Variants in CSMD2 observed in about 807,000 individuals in gnomAD.
CSMD2 encodes the protein CUB and Sushi multiple domains 2, also known as CUB and sushi domain-containing protein 2.
A neutral mutation model predicts 398.5 loss-of-function variants in CSMD2; 130 were observed. The observed-to-expected ratio is 0.33, with a 90% CI of 0.28 to 0.38. The LOEUF (loss-of-function observed/expected upper bound fraction) is 0.38, where lower values mean the gene tolerates loss of function less well. CSMD2 is among the 10% of genes least tolerant of loss of function. The pLI is 1.00. For missense variants in CSMD2, 3,829 were observed against 4,764.9 expected (o/e 0.80, Z 5.78); for synonymous variants, 1,828 against 1,908.5 (o/e 0.96, Z 1.10).
At chr1:33,878,003 G>A (rs1160251797) in intron 5 of CSMD2, among the ~76,000 whole-genome samples, 1 of 152,106 alleles carries the variant, frequency 6.6e-6, no homozygotes, top group Non-Finnish European at 1.5e-5. Context: ...AAGAGATGTG[G>A]AAACTGGGAG....
chr1:33,895,914 A>G (rs1056471790), intron 5 of CSMD2, among the ~76,000 whole-genome samples: 11 of 152,134 alleles, frequency 7.2e-5, no homozygotes, highest in African/African-American at 2.7e-4. Flanking sequence ...TCTCAACTGT[A>G]GCACCTGCTG....
intron 6 of CSMD2, 115 bp downstream of exon 6, chr1:33,846,769 A>G: frequency 1.8e-6 from 1 of 540,770 alleles, no homozygotes; most frequent in South Asian, 3.2e-5. Context: ...GAAACGTACA[A>G]AGAAGGCAAG....
chr1:34,098,500 T>C (rs891887820), intron 1 of CSMD2, among the ~76,000 whole-genome samples: 2 of 151,568 alleles, frequency 1.3e-5, no homozygotes, highest in Non-Finnish European at 2.9e-5. Context: ...GAGAAGATAG[T>C]AAATTTAGCA....
At chr1:33,960,910 G>T (rs1186803275) in intron 3 of CSMD2, among the ~76,000 whole-genome samples, 2 of 152,216 alleles carry the variant, frequency 1.3e-5, no homozygotes, top group Admixed American at 6.5e-5. Context: ...TCCATGGCAG[G>T]TGGGGTCTGA....
intron 26 of CSMD2, among the ~76,000 whole-genome samples, chr1:33,659,703 G>A (rs753571370): frequency 1.3e-5 from 2 of 152,138 alleles, no homozygotes; most frequent in South Asian, 2.1e-4. Flanking sequence ...TTTGAGAAGC[G>A]GCAGCCTAGG....
Position 33,992,716 on chromosome 1 carries a change from T to TA in CSMD2, c.517+39877dup, listed in dbSNP as rs200509501. 3.1e-4 allele frequency among the ~76,000 whole-genome samples: 44 copies of TA among 143,122 alleles called. 1 individual carries two copies. Among genetic ancestry groups the TA allele is most frequent in the African/African-American group, 7.4e-4 (29 of 39,228 alleles). The allele number at this position is 143,122 out of a possible 152,430, so 93.9% of individuals were successfully genotyped here. On this transcript the variant is annotated intron_variant, in intron 3 of 70. Coordinates refer to ENST00000373381, the MANE Select transcript of CSMD2 (RefSeq NM_001281956.2). ...ACCCTGTCTCTACTAAAAATAAAAATAAAAAAAAAAATTAGCCGGGCGTGG... is the reference window on the plus strand; with the variant it reads ...ACCCTGTCTCTACTAAAAATAAAAATAAAAAAAAAAAATTAGCCGGGCGTGG...
At chr1:33,976,759 C>T (rs780500644) in intron 3 of CSMD2, among the ~76,000 whole-genome samples, 6 of 152,078 alleles carry the variant, frequency 3.9e-5, no homozygotes, top group Non-Finnish European at 8.8e-5. Flanking sequence ...CTGCTCTGAC[C>T]CTCATTTATA....
Position 33,819,628 on chromosome 1 carries a change from G to T in CSMD2, c.1324+85C>A, listed in dbSNP as rs575510482. Reference sequence around the variant, plus strand: ...GGGGAGCCAGTCTGCTTGAGAGCCTGGGCCTCAGGTGCTGGGAGCTGGGCT... The same window carrying T: ...GGGGAGCCAGTCTGCTTGAGAGCCTTGGCCTCAGGTGCTGGGAGCTGGGCT... On this transcript the variant is annotated intron_variant, in intron 9 of 70. Coordinates refer to ENST00000373381, the MANE Select transcript of CSMD2 (RefSeq NM_001281956.2). The T allele has an allele frequency of 3.3e-5, 43 of 1,287,962 alleles. No individual in the cohort carries two copies. The African/African-American group carries it at 5.7e-4, about 17-fold the overall frequency. The allele number at this position is 1,287,962 out of a possible 1,614,324, so 79.8% of individuals were successfully genotyped here.
intron 1 of CSMD2, among the ~76,000 whole-genome samples, chr1:34,154,622 T>C (rs1201357112): frequency 6.6e-6 from 1 of 151,900 alleles, no homozygotes; most frequent in African/African-American, 2.4e-5. Flanking sequence ...TGGAGTTGAG[T>C]AAATAAAGTA....
intron 60 of CSMD2, among the ~76,000 whole-genome samples, chr1:33,539,246 A>T (rs1178535658): frequency 1.3e-5 from 2 of 152,192 alleles, no homozygotes; most frequent in African/African-American, 2.4e-5. Flanking sequence ...GATTATGGGC[A>T]TGAGTCACCT....
rs145279639 is a variant in CSMD2, at chr1:33,726,654, G to T, written c.2400C>A (p.Ser800Arg). The T allele has an allele frequency of 6.2e-7, 1 of 1,612,434 alleles. No homozygotes were observed. The highest frequency in any genetic ancestry group is 8.5e-7 in the Non-Finnish European group (1 of 1,179,856). The change falls in exon 16 of 71, where the codon AGC (serine) becomes AGA (arginine). Residue 800 changes from serine to arginine, a missense_variant. By Grantham distance (110) the Ser-to-Arg change is moderately radical. Around this residue, in one of 5 missense-constraint regions of CSMD2, gnomAD observed 2,001 missense variants for 2,567.1 expected, o/e 0.78. Transcript: ENST00000373381. ...APCGGHLTSP[S>R]GTILSPGWPG... ...GCCAGCCCGGAGAGAGGATGGTGCC[G>T]CTGGGCGAAGTCAGGTGACCACCAC...
chr1:33,749,390 C>T (rs191531269), intron 13 of CSMD2, among the ~76,000 whole-genome samples: 16 of 152,044 alleles, frequency 1.1e-4, no homozygotes, highest in African/African-American at 3.4e-4. Flanking sequence ...TGAGCCACTG[C>T]GCCCAGCCAA....
Position 33,537,168 on chromosome 1 carries a change from T to C in CSMD2, c.9806-73A>G, listed in dbSNP as rs903449286. 147 of 1,537,090 alleles carry C rather than the reference T, an allele frequency of 9.6e-5. No homozygotes were observed. The highest frequency in any genetic ancestry group is 1.2e-4 in the Non-Finnish European group (132 of 1,110,958). On this transcript the variant is annotated intron_variant, in intron 61 of 70. Coordinates refer to ENST00000373381, the MANE Select transcript of CSMD2 (RefSeq NM_001281956.2). This position sits in a 1 kb window ranked among gnomAD's most constrained non-coding sequence, Gnocchi z 4.6. Reference sequence around the variant, plus strand: ...CACGGCCTCATCTCACTCTGGGAAATAGGTGTAGAAAAGAAAATGCGGCCA... The same window carrying C: ...CACGGCCTCATCTCACTCTGGGAAACAGGTGTAGAAAAGAAAATGCGGCCA...
Position 33,622,334 on chromosome 1 carries a change from C to T in CSMD2, c.5723-63G>A, listed in dbSNP as rs537912843. 425 of 1,214,888 alleles carry T rather than the reference C, an allele frequency of 3.5e-4. No homozygotes were observed. In the Middle Eastern group the frequency reaches 5.9e-3, roughly 17 times the overall value. The allele number at this position is 1,214,888 out of a possible 1,614,324, so 75.3% of individuals were successfully genotyped here. A position where few individuals can be genotyped will look rare whatever the true frequency, so the allele number is the denominator to read the frequency against. ...GCTCCTCCAGGCCCTTGCATTCCTC[C>T]CCATTCCTCTGGATTTTGCTACCTG... On this transcript the variant is annotated intron_variant, in intron 36 of 70. Coordinates refer to ENST00000373381, the MANE Select transcript of CSMD2 (RefSeq NM_001281956.2).
chr1:34,126,495 GCCTGCAGCCACTGC>G (rs1297955301), intron 1 of CSMD2, among the ~76,000 whole-genome samples: 12 of 152,226 alleles, frequency 7.9e-5, no homozygotes, highest in Admixed American at 7.8e-4. Context: ...GGGGGGCCCA[GCCTGCAGCCACTGC>G]CCATCCCCCA....
At chr1:33,811,035 C>T (rs755715307) in intron 9 of CSMD2, among the ~76,000 whole-genome samples, 171 bp from the exon 10 acceptor site, 129 of 152,048 alleles carry the variant, frequency 8.5e-4, no homozygotes, top group Non-Finnish European at 1.5e-3. Flanking sequence ...GAAGGGAAGC[C>T]GCAGTGCCTG....
chr1:33,942,099 C>A (rs1049913925), intron 3 of CSMD2, among the ~76,000 whole-genome samples: 2 of 152,116 alleles, frequency 1.3e-5, no homozygotes, highest in African/African-American at 2.4e-5. Context: ...TTATTTAATC[C>A]TCCCAACAAC....
intron 47 of CSMD2, among the ~76,000 whole-genome samples, chr1:33,583,143 A>C (rs433546): frequency 0.83 from 125,858 of 152,218 alleles, 52,693 homozygotes; most frequent in African/African-American, 0.91. Context: ...TGGCAAGATG[A>C]CTTTTCAAGA....
At chr1:33,739,752 T>C (rs1359472037) in intron 14 of CSMD2, among the ~76,000 whole-genome samples, 1 of 152,144 alleles carries the variant, frequency 6.6e-6, no homozygotes, top group Non-Finnish European at 1.5e-5. Flanking sequence ...CAGACAGTTA[T>C]GGGATCATTT....
Sources: allele counts gnomAD v4.1 joint callset (sites outside exome capture counted in the v4.1 genomes callset), GRCh38; gene constraint gnomAD v4.1.1; regional missense constraint gnomAD v4.1.1; non-coding constraint Gnocchi (gnomAD v3.1); transcripts MANE v1.5; gene names NCBI Gene and HGNC (gene_info 2026-07-23, HGNC 2026-07-21).